The following RTN1 variants were observed in gnomAD, a reference collection of about 807,000 sequenced individuals.
RTN1 encodes reticulon 1, also known as reticulon-1.
RTN1 carries 25 observed loss-of-function variants against 65.5 expected under a neutral mutation model. The ratio of observed to expected loss-of-function variants is 0.38; its 90% CI spans 0.28 to 0.53. The LOEUF (loss-of-function observed/expected upper bound fraction) is 0.53, where lower values mean the gene tolerates loss of function less well. Ranked by LOEUF, RTN1 falls within the 20% of genes least tolerant of loss-of-function variation. The pLI, the probability that RTN1 is intolerant of heterozygous loss-of-function variation, is 0.79. For synonymous variants in RTN1, 471 were observed against 447.6 expected, an observed-to-expected ratio of 1.05 and a Z score of -0.66; for missense variants, 983 against 1,025.4, an observed-to-expected ratio of 0.96 and a Z score of 0.57.
At chr14:59,784,428 C>T (rs1270929615) in intron 1 of RTN1, among the ~76,000 whole-genome samples, 8 of 146,096 alleles carry the variant, frequency 5.5e-5, no homozygotes, top group South Asian at 2.1e-4. Context: ...GCAACAAGAG[C>T]GAAACTCCGT....
chr14:59,764,360 G>A (rs1048222768), intron 1 of RTN1, among the ~76,000 whole-genome samples: 10 of 149,556 alleles, frequency 6.7e-5, no homozygotes, highest in African/African-American at 2.5e-4. Context: ...CGCTCTTGTT[G>A]TCCAGGCTGG....
rs562237215 is a variant in RTN1, at chr14:59,791,742, G to A, written c.242-45261C>T. Among the ~76,000 whole-genome samples the A allele has an allele frequency of 4.7e-4, 72 of 152,176 alleles. 1 individual carries two copies. The highest frequency in any genetic ancestry group is 1.5e-3 in the African/African-American group (62 of 41,518). Reference sequence around the variant, plus strand: ...TACTGTGTCCTTTGTCCTCCACTCCGCTAAATCACCAATTAGTACTGAGCA... The same window carrying A: ...TACTGTGTCCTTTGTCCTCCACTCCACTAAATCACCAATTAGTACTGAGCA... On this transcript the variant is annotated intron_variant, in intron 1 of 8. Coordinates refer to ENST00000267484, the MANE Select transcript of RTN1 (RefSeq NM_021136.3).
intron 1 of RTN1, among the ~76,000 whole-genome samples, chr14:59,772,450 G>C (rs1020857428): frequency 6.6e-6 from 1 of 151,688 alleles, no homozygotes; most frequent in Non-Finnish European, 1.5e-5. Context: ...TGCTACAGAG[G>C]AAGCAAAAGA....
intron 1 of RTN1, among the ~76,000 whole-genome samples, chr14:59,792,808 A>T (rs898054875): frequency 6.6e-6 from 1 of 152,172 alleles, no homozygotes; most frequent in Non-Finnish European, 1.5e-5. Context: ...TTCTTTCCAG[A>T]TTTCCTAGGA....
intron 1 of RTN1, among the ~76,000 whole-genome samples, chr14:59,773,883 C>T (rs1261333592): frequency 2.0e-5 from 3 of 152,110 alleles, no homozygotes; most frequent in African/African-American, 7.2e-5. Context: ...AACCCATCCT[C>T]TTCATTTTTG....
intron 1 of RTN1, among the ~76,000 whole-genome samples, chr14:59,838,091 G>A (rs1480067120): frequency 6.6e-6 from 1 of 152,096 alleles, no homozygotes; most frequent in Non-Finnish European, 1.5e-5. Flanking sequence ...TTCGGCCTTT[G>A]CCCCTATCCC....
In RTN1 at chr14:59,668,183, A is replaced by T. The variant is rs557124331; in HGVS notation, c.1765+58736T>A. On this transcript the variant is annotated intron_variant, in intron 3 of 8. Coordinates refer to ENST00000267484, the MANE Select transcript of RTN1 (RefSeq NM_021136.3). ...GAAAAAGAACAAAGCTGGAGGCATC[A>T]TGCTACCTGACTTCAAACTATACTA... Among the ~76,000 whole-genome samples, 3 of 152,350 alleles carry T rather than the reference A, an allele frequency of 2.0e-5. No individual in the cohort carries two copies. The South Asian group carries it at 6.2e-4, about 32-fold the overall frequency.
chr14:59,797,282 G>A (rs1009112313), intron 1 of RTN1, among the ~76,000 whole-genome samples: 45 of 152,240 alleles, frequency 3.0e-4, no homozygotes, highest in East Asian at 3.9e-4. Context: ...AATAATATGG[G>A]AAAAATTCCT....
At chr14:59,598,553 G>T (rs1255974926) in intron 8 of RTN1, among the ~76,000 whole-genome samples, 1 of 152,114 alleles carries the variant, frequency 6.6e-6, no homozygotes, top group Non-Finnish European at 1.5e-5. Context: ...GGACCAGAAG[G>T]GAGTTGGACA....
intron 2 of RTN1, among the ~76,000 whole-genome samples, chr14:59,729,058 G>A (rs1003051085): frequency 6.6e-6 from 1 of 152,170 alleles, no homozygotes; most frequent in Non-Finnish European, 1.5e-5. Flanking sequence ...AAATAGGGGA[G>A]TCCGTGTAGG....
At chr14:59,659,531 C>G (rs1264520269) in intron 3 of RTN1, among the ~76,000 whole-genome samples, 1 of 152,196 alleles carries the variant, frequency 6.6e-6, no homozygotes, top group Admixed American at 6.5e-5. Context: ...ATCAGACTAG[C>G]AGTGGATCTC....
chr14:59,649,002 T>G (rs1882961893), intron 3 of RTN1, among the ~76,000 whole-genome samples: 2 of 152,082 alleles, frequency 1.3e-5, no homozygotes, highest in Non-Finnish European at 2.9e-5. Flanking sequence ...CTTTGTTCTT[T>G]TTACTTATGA....
At chr14:59,736,629 C>G (rs1885007044) in intron 2 of RTN1, among the ~76,000 whole-genome samples, 2 of 152,126 alleles carry the variant, frequency 1.3e-5, no homozygotes, top group African/African-American at 4.8e-5. Flanking sequence ...TCTATTGAAA[C>G]TATTCCAGAA....
intron 3 of RTN1, among the ~76,000 whole-genome samples, chr14:59,655,105 C>T (rs927765881): frequency 1.3e-5 from 2 of 152,118 alleles, no homozygotes; most frequent in African/African-American, 4.8e-5. Flanking sequence ...ATACATCCAG[C>T]AGTTTACAGA....
Position 59,687,152 on chromosome 14 carries a change from C to T in RTN1, c.1765+39767G>A, listed in dbSNP as rs7159726. Among the ~76,000 whole-genome samples the T allele has an allele frequency of 1.7e-3, 260 of 152,318 alleles. 2 individuals are homozygous for T. The highest frequency in any genetic ancestry group is 6.1e-3 in the African/African-American group (252 of 41,582). ...CTTGGCAACCTGGAACCAGTCTGCA[C>T]GTGTCATTGCTGGGTGTCCCAGCCT... On this transcript the variant is annotated intron_variant, in intron 3 of 8. Coordinates refer to ENST00000267484, the MANE Select transcript of RTN1 (RefSeq NM_021136.3).
intron 1 of RTN1, among the ~76,000 whole-genome samples, chr14:59,783,364 G>A (rs1216852838): frequency 6.6e-6 from 1 of 152,188 alleles, no homozygotes; most frequent in African/African-American, 2.4e-5. Context: ...AGCAGTTGGA[G>A]TGGGGTTTGG....
rs555929692 is a variant in RTN1, at chr14:59,816,880, T to C, written c.241+53510A>G. On this transcript the variant is annotated intron_variant, in intron 1 of 8. Transcript: ENST00000267484. This position sits in a 1 kb window ranked among gnomAD's most constrained non-coding sequence, Gnocchi z 4.3. ...CCTGAGAGGCGGAGGTTGCAGTGAGTCGAGATCGCGCCACTGTACTCCAGC... is the reference window on the plus strand; with the variant it reads ...CCTGAGAGGCGGAGGTTGCAGTGAGCCGAGATCGCGCCACTGTACTCCAGC... Among the ~76,000 whole-genome samples, 13 of 152,044 alleles carry C rather than the reference T, an allele frequency of 8.6e-5. No individual in the cohort carries two copies. The East Asian group carries it at 2.5e-3, about 29-fold the overall frequency.
chr14:59,630,626 G>C (rs903251005), intron 3 of RTN1: 1 of 1,400,588 alleles, frequency 7.1e-7, no homozygotes, highest in African/African-American at 1.5e-5. Flanking sequence ...GAGAGACTGA[G>C]GCTGCACCAG....
intron 3 of RTN1, among the ~76,000 whole-genome samples, chr14:59,678,656 A>C (rs1883679703): frequency 6.6e-6 from 1 of 152,192 alleles, no homozygotes; most frequent in South Asian, 2.1e-4. Flanking sequence ...TCCCAGGCAC[A>C]GAGGTACAGG....
Sources: allele counts gnomAD v4.1 joint callset (sites outside exome capture counted in the v4.1 genomes callset), GRCh38; gene constraint gnomAD v4.1.1; non-coding constraint Gnocchi (gnomAD v3.1); transcripts MANE v1.5; gene names NCBI Gene and HGNC (gene_info 2026-07-23, HGNC 2026-07-21).